EFCAB10: variants seen among roughly 807,000 people sequenced by gnomAD.
EFCAB10 encodes EF-hand calcium-binding domain-containing protein 10.
EFCAB10 carries 7 observed loss-of-function variants against 7.7 expected under a neutral mutation model. The ratio of observed to expected loss-of-function variants is 0.91; its 90% CI spans 0.52 to 1.72. The LOEUF (loss-of-function observed/expected upper bound fraction) is 1.72. EFCAB10 is among the 40% of genes most tolerant of loss of function. The pLI is 0.00. For missense variants in EFCAB10, 112 were observed against 61.5 expected (o/e 1.82, Z -2.74); for synonymous variants, 52 against 21.0 (o/e 2.47, Z -4.03).
In EFCAB10 at chr7:105,565,346, G is replaced by A. The variant is rs746000896; in HGVS notation, c.*101C>T. 4.3e-6 allele frequency: 7 copies of A among 1,614,080 alleles called. No homozygotes were observed. ...TGTCCAGTTCGGCTTGCCCGTTGCTGCTGACGTTACGAGACCATTTACTTC... is the reference window on the plus strand; with the variant it reads ...TGTCCAGTTCGGCTTGCCCGTTGCTACTGACGTTACGAGACCATTTACTTC... On this transcript the variant is annotated 3_prime_UTR_variant, in exon 5 of 5. Coordinates refer to ENST00000480514, the MANE Select transcript of EFCAB10 (RefSeq NM_001355526.2).
intron 3 of EFCAB10, among the ~76,000 whole-genome samples, chr7:105,568,360 CTATTAAATTT>C (rs1192755103): frequency 1.3e-5 from 2 of 152,140 alleles, no homozygotes; most frequent in Non-Finnish European, 2.9e-5. Flanking sequence ...CTTTCCACAA[CTATTAAATTT>C]TATTCCAATG....
chr7:105,579,293 C>T (rs987585807), intron 1 of EFCAB10, among the ~76,000 whole-genome samples: 4 of 151,984 alleles, frequency 2.6e-5, no homozygotes, highest in Non-Finnish European at 4.4e-5. Flanking sequence ...GAGGGGAAGC[C>T]GTGAATAACC....
intron 3 of EFCAB10, among the ~76,000 whole-genome samples, chr7:105,568,614 TC>T (rs796589848): frequency 1.6e-4 from 25 of 152,294 alleles, no homozygotes; most frequent in African/African-American, 5.8e-4. Context: ...TATTGGTGCT[TC>T]TTCACCTCAT....
chr7:105,581,295 G>A (rs1284591319), intron 1 of EFCAB10, 63 bp downstream of exon 1: 1 of 690,132 alleles, frequency 1.4e-6, no homozygotes. Flanking sequence ...TAAGAGGGGG[G>A]TTTCGTGTGG....
chr7:105,570,575 C>G (rs1266153223), intron 1 of EFCAB10, among the ~76,000 whole-genome samples: 1 of 151,606 alleles, frequency 6.6e-6, no homozygotes, highest in South Asian at 2.1e-4. Context: ...TTTACTCTTA[C>G]ATTTTTTTTT....
chr7:105,575,465 T>C (rs1792055588), intron 1 of EFCAB10, among the ~76,000 whole-genome samples: 1 of 152,124 alleles, frequency 6.6e-6, no homozygotes, highest in Admixed American at 6.5e-5. Context: ...TCCGCCACCA[T>C]GCTCAGCTAA....
chr7:105,578,830 CA>C (rs1792150728), intron 1 of EFCAB10, among the ~76,000 whole-genome samples: 1 of 152,148 alleles, frequency 6.6e-6, no homozygotes, highest in South Asian at 2.1e-4. Context: ...TGGAGTGCAA[CA>C]GTGAAATCTC....
At chr7:105,578,461 A>G (rs1792140711) in intron 1 of EFCAB10, among the ~76,000 whole-genome samples, 1 of 152,250 alleles carries the variant, frequency 6.6e-6, no homozygotes, top group African/African-American at 2.4e-5. Flanking sequence ...GGTAAGGAAA[A>G]TAAGAAAAAT....
At chr7:105,576,533 C>T (rs1792085015) in intron 1 of EFCAB10, among the ~76,000 whole-genome samples, 1 of 152,192 alleles carries the variant, frequency 6.6e-6, no homozygotes, top group Admixed American at 6.5e-5. Flanking sequence ...AGCTCCGCCT[C>T]CCAGGCTCAC....
Position 105,565,644 on chromosome 7 carries a change from A to T in EFCAB10, c.*-197T>A, listed in dbSNP as rs2133481694. 1 of 1,568,018 alleles carries T rather than the reference A, an allele frequency of 6.4e-7. No individual in the cohort carries two copies. The highest frequency in any genetic ancestry group is 8.8e-7 in the Non-Finnish European group (1 of 1,139,652). ...TTGCAAGAGACCAGAAAATTATTTT[A>T]AACAGTAAGCTCAACATTTAACAAT... is the stretch of plus-strand genomic sequence containing the variant. On this transcript the variant is annotated intron_variant, in intron 4 of 4. Transcript: ENST00000480514.
At chr7:105,580,786 T>TA (rs1157265742) in intron 1 of EFCAB10, among the ~76,000 whole-genome samples, 2 of 152,178 alleles carry the variant, frequency 1.3e-5, no homozygotes, top group East Asian at 3.8e-4. Flanking sequence ...CACCTAAATA[T>TA]AACTTTTAAA....
intron 3 of EFCAB10, among the ~76,000 whole-genome samples, chr7:105,568,994 T>G (rs1586282109): frequency 6.6e-6 from 1 of 151,380 alleles, no homozygotes; most frequent in Non-Finnish European, 1.5e-5. Flanking sequence ...CCTCTGGAAC[T>G]TCCTCTCTAA....
At chr7:105,572,046 C>T (rs972199004) in intron 1 of EFCAB10, 5 of 151,988 alleles carry the variant, frequency 3.3e-5, no homozygotes, top group African/African-American at 9.7e-5. Context: ...TTGAAGTCCC[C>T]GTATACATAC....
At chr7:105,579,094 T>A (rs1428138601) in intron 1 of EFCAB10, among the ~76,000 whole-genome samples, 1 of 152,162 alleles carries the variant, frequency 6.6e-6, no homozygotes, top group East Asian at 1.9e-4. Context: ...GTTTTGAATG[T>A]AGGAACTCAC....
chr7:105,581,381 C>A lies in EFCAB10; in HGVS notation c.83G>T (p.Ser28Ile). ...ACCCGGCCGAAAGAAAAGGAGGGCG[C>A]TGGTGAGGTAGCTAACCACCTCCTT... is the stretch of plus-strand genomic sequence containing the variant. ...QIKEVVSYLT[S>I]ALLFFRPEKP... The change falls in exon 1 of 5, where the codon AGC becomes ATC. Residue 28 changes from serine (S) to isoleucine (I), a missense_variant. Physicochemically the swap from Ser to Ile is moderately radical, Grantham distance 142. Transcript: ENST00000480514. 3 of 702,990 alleles carry A rather than the reference C, an allele frequency of 4.3e-6. No homozygotes were observed. Among genetic ancestry groups the A allele is most frequent in the Non-Finnish European group, 7.8e-6 (3 of 384,992 alleles). 43.5% of individuals were successfully genotyped at this position (702,990 alleles called of 1,614,324 possible).
chr7:105,565,904 C>T (rs573126101), intron 4 of EFCAB10, among the ~76,000 whole-genome samples: 1 of 151,834 alleles, frequency 6.6e-6, no homozygotes, highest in South Asian at 2.1e-4. Flanking sequence ...TTTAATGCTT[C>T]TAGTTGCTTA....
intron 1 of EFCAB10, among the ~76,000 whole-genome samples, chr7:105,576,367 G>A (rs1336668964): frequency 6.6e-6 from 1 of 151,986 alleles, no homozygotes; most frequent in Non-Finnish European, 1.5e-5. Flanking sequence ...TTCTTATTCT[G>A]GCTCAGTGTT....
intron 1 of EFCAB10, among the ~76,000 whole-genome samples, chr7:105,575,876 A>G (rs1412736378): frequency 6.6e-6 from 1 of 152,056 alleles, no homozygotes; most frequent in African/African-American, 2.4e-5. Flanking sequence ...CATCTCTACT[A>G]AAAATACAAA....
intron 3 of EFCAB10, among the ~76,000 whole-genome samples, chr7:105,568,446 T>C (rs1791849409): frequency 1.3e-5 from 2 of 152,232 alleles, no homozygotes; most frequent in Admixed American, 1.3e-4. Context: ...TCTAAAATTA[T>C]CAGACTAACA....
Sources: gnomAD v4.1 joint callset for allele counts (sites outside exome capture counted in the v4.1 genomes callset) on GRCh38, gnomAD v4.1.1 for gene constraint, MANE v1.5 for transcripts, NCBI Gene and HGNC (gene_info 2026-07-23, HGNC 2026-07-21) for gene names.